Variants in CDC42BPB observed in about 807,000 individuals in gnomAD.
CDC42BPB encodes serine/threonine-protein kinase MRCK beta.
CDC42BPB carries 37 observed loss-of-function variants against 214.9 expected under a neutral mutation model. The ratio of observed to expected loss-of-function variants is 0.17; its 90% confidence interval spans 0.13 to 0.23. The LOEUF (loss-of-function observed/expected upper bound fraction) is 0.23. Among genes scored for constraint, CDC42BPB ranks in the 10% least tolerant of loss-of-function variants. The pLI, the probability that CDC42BPB is intolerant of heterozygous loss-of-function variation, is 1.00. For missense variants in CDC42BPB, 1,694 were observed against 2,227.0 expected (o/e 0.76, Z 4.82); for synonymous variants, 931 against 884.0 (o/e 1.05, Z -0.94).
intron 1 of CDC42BPB, among the ~76,000 whole-genome samples, chr14:103,055,092 G>A (rs1350548329): frequency 1.3e-5 from 2 of 152,248 alleles, no homozygotes; most frequent in Admixed American, 6.5e-5. Context: ...ACCTGACAGT[G>A]GAACTGTGTG....
At chr14:102,960,690 A>G (rs1013261253) in intron 20 of CDC42BPB, among the ~76,000 whole-genome samples, 3 of 152,226 alleles carry the variant, frequency 2.0e-5, no homozygotes, top group African/African-American at 7.2e-5. Flanking sequence ...GAAGATCCAG[A>G]AACAGACCCA....
chr14:102,950,707 T>C (rs866886807), intron 24 of CDC42BPB, 105 bp from the exon 25 acceptor site: 3 of 1,382,698 alleles, frequency 2.2e-6, no homozygotes, highest in Middle Eastern at 2.0e-4. Context: ...AGGTCTCGCC[T>C]GGAATCCCAG....
intron 36 of CDC42BPB, among the ~76,000 whole-genome samples, chr14:102,934,984 T>G (rs59524954): frequency 0.019 from 2,669 of 142,838 alleles, 96 homozygotes; most frequent in African/African-American, 0.067. Context: ...CATTCCAGCC[T>G]GGGCTACATG....
At position 102,967,311 on chromosome 14, in the gene CDC42BPB, T is replaced by C. The variant is rs1369055181; in HGVS notation, c.2347-141A>G. The stretch of plus-strand genomic sequence containing the variant: ...ATTTTTCCAAACTAAGTTCATGATA[T>C]GGATTTTTTTCACTGTATCTAGCTT... On this transcript the variant is annotated intron_variant, in intron 16 of 36. Transcript: ENST00000361246. 9.2e-6 allele frequency: 13 copies of C among 1,416,500 alleles called. No individual in the cohort carries two copies. In the Admixed American group the frequency reaches 1.5e-4, roughly 16 times the overall value. The allele number at this position is 1,416,500 out of a possible 1,614,324, so 87.7% of individuals were successfully genotyped here. A position where few individuals can be genotyped will look rare whatever the true frequency, so the allele number is the denominator to read the frequency against.
chr14:102,956,391 A>G, intron 21 of CDC42BPB: 1 of 958,378 alleles, frequency 1.0e-6, no homozygotes, highest in African/African-American at 1.8e-5. Context: ...TGTTTCTAGT[A>G]AAAACCAACA....
At chr14:102,954,112 A>G in intron 23 of CDC42BPB, 86 bp downstream of exon 23, 1 of 944,088 alleles carries the variant, frequency 1.1e-6, no homozygotes, top group Non-Finnish European at 1.7e-6. Context: ...TGTTTTATTT[A>G]TACAAAACTT....
chr14:102,964,734 T>C, intron 18 of CDC42BPB, 84 bp from the exon 19 acceptor site: 1 of 1,464,202 alleles, frequency 6.8e-7, no homozygotes, highest in Non-Finnish European at 9.0e-7. Flanking sequence ...TATCTTTGTC[T>C]AACCTTAAGC....
At position 102,996,371 on chromosome 14, in the gene CDC42BPB, C is replaced by T. The variant is rs540809743; in HGVS notation, c.596+3194G>A. ...GAAAAGAGAGAGAGAATGAGGAGAA[C>T]GCTTTCTATTTAGGGGGAGAAAAAC... On this transcript the variant is annotated intron_variant, in intron 5 of 36. Coordinates refer to ENST00000361246, the MANE Select transcript of CDC42BPB (RefSeq NM_006035.4). Among the ~76,000 whole-genome samples, 6 of 152,182 alleles carry T rather than the reference C, an allele frequency of 3.9e-5. No homozygotes were observed. The East Asian group carries it at 5.8e-4, about 15-fold the overall frequency.
intron 4 of CDC42BPB, among the ~76,000 whole-genome samples, chr14:103,003,502 AC>A (rs35645199): frequency 4.1e-4 from 62 of 151,472 alleles, no homozygotes; most frequent in Admixed American, 2.5e-3. Context: ...GGCCTGGGGC[AC>A]CCCCCCCACC....
At chr14:102,953,592 T>C (rs1892585377) in intron 23 of CDC42BPB, among the ~76,000 whole-genome samples, 1 of 152,210 alleles carries the variant, frequency 6.6e-6, no homozygotes, top group Non-Finnish European at 1.5e-5. Context: ...GTACTCGCAA[T>C]GCTTGGAACT....
Position 102,966,361 on chromosome 14 carries a change from C to A in CDC42BPB, c.2498G>T (p.Gly833Val), listed in dbSNP as rs890520524. Residue 833 changes from glycine to valine, a missense_variant, in exon 18 of 37, where the codon GGT (glycine) becomes GTT (valine). Gly to Val is a moderately radical substitution (Grantham distance 109). This residue lies in a region of CDC42BPB where 55 missense variants were observed against 95.5 expected (regional missense o/e 0.58). Transcript: ENST00000361246. ...CTTGGAAGCAAGAGCTTGAAGGTAA[C>A]CCCGGGCATCTTTCTCGTCACTGAC... ...QWVSDEKDAR[G>V]YLQALASKMT... 6.2e-7 allele frequency: 1 copy of A among 1,613,858 alleles called. No homozygotes were observed. Among genetic ancestry groups the A allele is most frequent in the South Asian group, 1.1e-5 (1 of 91,084 alleles).
rs758931681 is a variant in CDC42BPB, at chr14:102,968,331, A to G, written c.2268T>C (p.Gly756=). 1.5e-5 allele frequency: 24 copies of G among 1,613,906 alleles called. No homozygotes were observed. The African/African-American group carries it at 2.9e-4, about 20-fold the overall frequency. The change falls in exon 16 of 37, where the codon GGT becomes GGC. Residue 756 remains glycine (G), a synonymous_variant. Coordinates refer to ENST00000361246, the MANE Select transcript of CDC42BPB (RefSeq NM_006035.4). The stretch of plus-strand genomic sequence containing the variant: ...CTCGTTCGTATTTATCTTTTATTGT[A>G]CCTACTGCCTCCTCCATCTCGTTAT... ...ERHNEMEEAV[G]TIKDKYERER...
chr14:102,980,343 A>C (rs1173020486), intron 8 of CDC42BPB, among the ~76,000 whole-genome samples: 3 of 152,218 alleles, frequency 2.0e-5, no homozygotes, highest in Non-Finnish European at 4.4e-5. Flanking sequence ...AAATACAAAA[A>C]TTAGCTGGGC....
In CDC42BPB at chr14:102,980,802, C is replaced by T. The variant is rs1893963310; in HGVS notation, c.1111G>A (p.Asp371Asn). Residue 371 changes from aspartate to asparagine, a missense_variant, in exon 8 of 37, where the codon GAC (aspartate) becomes AAC (asparagine). Coordinates refer to ENST00000361246, the MANE Select transcript of CDC42BPB (RefSeq NM_006035.4). Reference protein sequence around the residue: ...VSSPSDTSNFDVDDDVLRNTE... With the variant: ...VSSPSDTSNFNVDDDVLRNTE... ...TTTCTCAGCACGTCGTCATCCACGT[C>T]GAAGTTGGATGTGTCAGAGGGACTG... 6.2e-7 allele frequency: 1 copy of T among 1,614,106 alleles called. No individual in the cohort carries two copies. The highest frequency in any genetic ancestry group is 8.5e-7 in the Non-Finnish European group (1 of 1,180,026).
At chr14:102,960,645 A>G (rs139271069) in intron 20 of CDC42BPB, among the ~76,000 whole-genome samples, 216 of 152,164 alleles carry the variant, frequency 1.4e-3, no homozygotes, top group African/African-American at 4.9e-3. Context: ...AACAAGAATC[A>G]AGTGGTTCTT....
chr14:103,007,882 G>C (rs903896758), intron 3 of CDC42BPB, among the ~76,000 whole-genome samples: 2 of 152,240 alleles, frequency 1.3e-5, no homozygotes, highest in African/African-American at 4.8e-5. Context: ...AGAAACTCAA[G>C]ATGGCCAGAG....
At chr14:102,959,494 T>C (rs1043795470) in intron 21 of CDC42BPB, 137 bp downstream of exon 21, 1 of 636,216 alleles carries the variant, frequency 1.6e-6, no homozygotes, top group African/African-American at 1.9e-5. Context: ...ATTACACAGT[T>C]AGCACAACGC....
intron 3 of CDC42BPB, among the ~76,000 whole-genome samples, chr14:103,005,436 T>C (rs1248734482): frequency 6.6e-6 from 1 of 152,154 alleles, no homozygotes; most frequent in East Asian, 1.9e-4. Context: ...AGGCTGGCCA[T>C]GGTGGCTCAC....
At chr14:103,056,406 G>T (rs910000841) in intron 1 of CDC42BPB, among the ~76,000 whole-genome samples, 6 of 152,198 alleles carry the variant, frequency 3.9e-5, no homozygotes, top group African/African-American at 1.4e-4. Flanking sequence ...CCCAGGAGGG[G>T]CCGTTAGAGC....
Sources: allele counts gnomAD v4.1 joint callset (sites outside exome capture counted in the v4.1 genomes callset), GRCh38; gene constraint gnomAD v4.1.1; regional missense constraint gnomAD v4.1.1; transcripts MANE v1.5; gene names NCBI Gene and HGNC (gene_info 2026-07-23, HGNC 2026-07-21).